CREBRF: variants seen among roughly 807,000 people sequenced by gnomAD.
CREBRF encodes CREB3 regulatory factor.
Under a neutral mutation model 66.1 loss-of-function variants are expected in CREBRF, and 5 were observed. That is an observed-to-expected ratio of 0.08 (90% CI 0.04 to 0.16). The LOEUF is 0.16. CREBRF is among the 10% of genes least tolerant of loss of function. The pLI, the probability that CREBRF is intolerant of heterozygous loss-of-function variation, is 1.00. For missense variants in CREBRF, 531 were observed against 744.9 expected, an observed-to-expected ratio of 0.71 and a Z score of 3.34; for synonymous variants, 229 against 264.4, an observed-to-expected ratio of 0.87 and a Z score of 1.30.
chr5:173,103,835 C>T (rs141254135), intron 4 of CREBRF, among the ~76,000 whole-genome samples: 2 of 152,286 alleles, frequency 1.3e-5, no homozygotes, highest in African/African-American at 4.8e-5. Context: ...AGCTTATTGA[C>T]AGTAGTCTGT....
At chr5:173,106,132 T>A (rs1365858722) in intron 4 of CREBRF, among the ~76,000 whole-genome samples, 1 of 152,004 alleles carries the variant, frequency 6.6e-6, no homozygotes, top group Non-Finnish European at 1.5e-5. Flanking sequence ...CATCATTTTT[T>A]AAGAAGAGCC....
At chr5:173,085,348 C>T in intron 2 of CREBRF, 1 of 1,232,002 alleles carries the variant, frequency 8.1e-7, no homozygotes, top group Non-Finnish European at 1.2e-6. Context: ...TAGCAGCACA[C>T]ACCTGCGGCT....
rs1157400354 is a variant in CREBRF at position 173,137,321 on chromosome 5, G to A, written c.*3576G>A. On this transcript the variant is annotated 3_prime_UTR_variant, in exon 9 of 9. Transcript: ENST00000296953. ...AAGCATCATGAAGGATTTCAGATGGGTATGGTTTCAAATTCCCTCTCTTTA... is the reference window on the plus strand; with the variant it reads ...AAGCATCATGAAGGATTTCAGATGGATATGGTTTCAAATTCCCTCTCTTTA... The A allele has an allele frequency of 6.6e-6, 1 of 152,014 alleles. No individual in the cohort carries two copies. Among genetic ancestry groups the A allele is most frequent in the Non-Finnish European group, 1.5e-5 (1 of 67,938 alleles). 9.4% of individuals were successfully genotyped at this position (152,014 alleles called of 1,614,324 possible). A position where few individuals can be genotyped will look rare whatever the true frequency, so the allele number is the denominator to read the frequency against.
intron 8 of CREBRF, among the ~76,000 whole-genome samples, chr5:173,130,759 G>T (rs1429129914): frequency 6.6e-6 from 1 of 151,894 alleles, no homozygotes; most frequent in African/African-American, 2.4e-5. Context: ...TCCCAGGCTG[G>T]AGTGCAGTGG....
At chr5:173,061,530 G>C (rs1452335123) in intron 1 of CREBRF, among the ~76,000 whole-genome samples, 2 of 152,162 alleles carry the variant, frequency 1.3e-5, no homozygotes, top group Non-Finnish European at 2.9e-5. Context: ...TTGGCCCTAA[G>C]ATATATTCAG....
At chr5:173,091,607 T>C in intron 4 of CREBRF, 9 of 1,297,460 alleles carry the variant, frequency 6.9e-6, no homozygotes, top group Non-Finnish European at 8.8e-6. Context: ...ATTCATAAGC[T>C]GATTCCTTGA....
Position 173,136,562 on chromosome 5 carries a change from A to G in CREBRF, c.*2817A>G, listed in dbSNP as rs1318063549. 1 of 152,524 alleles carries G rather than the reference A, an allele frequency of 6.6e-6. No homozygotes were observed. Among genetic ancestry groups the G allele is most frequent in the Non-Finnish European group, 1.5e-5 (1 of 67,948 alleles). The allele number at this position is 152,524 out of a possible 1,614,324, so 9.4% of individuals were successfully genotyped here. ...GTTTTAACTTTATCATAAAGATGACATAGGCAAGCTGTGCAGCTTTACATT... is the reference window on the plus strand; with the variant it reads ...GTTTTAACTTTATCATAAAGATGACGTAGGCAAGCTGTGCAGCTTTACATT... On this transcript the variant is annotated 3_prime_UTR_variant, in exon 9 of 9. Coordinates refer to ENST00000296953, the MANE Select transcript of CREBRF (RefSeq NM_153607.3).
At chr5:173,114,697 C>A (rs552559904) in intron 7 of CREBRF, among the ~76,000 whole-genome samples, 1 of 152,312 alleles carries the variant, frequency 6.6e-6, no homozygotes, top group South Asian at 2.1e-4. Context: ...TCATCCTATC[C>A]CACCAAACTT....
Position 173,091,149 on chromosome 5 carries a change from T to A in CREBRF, c.970T>A (p.Ser324Thr). 1 of 1,614,204 alleles carries A rather than the reference T, an allele frequency of 6.2e-7. No individual in the cohort carries two copies. Among genetic ancestry groups the A allele is most frequent in the Non-Finnish European group, 8.5e-7 (1 of 1,180,034 alleles). ...GAGCAGCAGTCTTTCTGCCAGTACA[T>A]CAGTCTCAGATTCATCCCAGAAAAA... ...GESSSLSAST[S>T]VSDSSQKKEE... The change falls in exon 4 of 9, where the codon TCA becomes ACA. Residue 324 changes from serine to threonine, a missense_variant. Physicochemically the swap from Ser to Thr is moderately conservative, Grantham distance 58 (BLOSUM62 1). This residue lies in a region of CREBRF where 309 missense variants were observed against 341.4 expected (regional missense o/e 0.90). Coordinates refer to ENST00000296953, the MANE Select transcript of CREBRF (RefSeq NM_153607.3).
chr5:173,098,696 G>T (rs2113753165), intron 4 of CREBRF, among the ~76,000 whole-genome samples: 1 of 151,956 alleles, frequency 6.6e-6, no homozygotes. Flanking sequence ...ATGGAGTGTT[G>T]AAGTCCCCTA....
chr5:173,108,786 G>A lies in CREBRF; in HGVS notation c.1385G>A (p.Ser462Asn), dbSNP rs1758807095. The part of the protein sequence containing the change: ...PSEWNRDTLP[S>N]NMYQKNGLHH... ...GAGTGGAACCGAGATACTTTGCCAA[G>A]TAATATGTATCAGAAAAATGGCTTA... Residue 462 changes from serine (S) to asparagine (N), a missense_variant, in exon 5 of 9, where the codon AGT (serine) becomes AAT (asparagine). Around this residue, in one of 5 missense-constraint regions of CREBRF, gnomAD observed 309 missense variants for 341.4 expected, o/e 0.90. Transcript: ENST00000296953. The A allele has an allele frequency of 6.2e-7, 1 of 1,612,808 alleles. No homozygotes were observed.
chr5:173,091,563 T>C (rs983183188), intron 4 of CREBRF, 162 bp downstream of exon 4: 1 of 1,431,762 alleles, frequency 7.0e-7, no homozygotes, highest in African/African-American at 1.4e-5. Flanking sequence ...TCTATTCAAA[T>C]AGCTCTAAAA....
At position 173,136,882 on chromosome 5, in the gene CREBRF, G is replaced by A. The variant is rs1387333950; in HGVS notation, c.*3137G>A. The A allele has an allele frequency of 4.0e-5, 6 of 151,838 alleles. No individual in the cohort carries two copies. The highest frequency in any genetic ancestry group is 7.3e-5 in the African/African-American group (3 of 41,252). The allele number at this position is 151,838 out of a possible 1,614,324, so 9.4% of individuals were successfully genotyped here. A position where few individuals can be genotyped will look rare whatever the true frequency, so the allele number is the denominator to read the frequency against. On this transcript the variant is annotated 3_prime_UTR_variant, in exon 9 of 9. Transcript: ENST00000296953. ...GTCCAGAATCTTACTTTTAAGTGAA[G>A]GCATTGTGAATTCACCTCAAGTAAA... is the stretch of plus-strand genomic sequence containing the variant.
At position 173,128,738 on chromosome 5, in the gene CREBRF, C is replaced by T. The variant is rs556688011; in HGVS notation, c.1805-4892C>T. Among the ~76,000 whole-genome samples, 127 of 151,970 alleles carry T rather than the reference C, an allele frequency of 8.4e-4. 1 individual carries two copies. Among genetic ancestry groups the T allele is most frequent in the South Asian group, 8.3e-3 (40 of 4,808 alleles). On this transcript the variant is annotated intron_variant, in intron 8 of 8. Transcript: ENST00000296953. ...TATTTGTTTGGTATTCCTTTGTCTA[C>T]TCTTTTATTTTCAATCCTTCTGAAT...
chr5:173,083,418 A>G (rs950327967), intron 2 of CREBRF, among the ~76,000 whole-genome samples: 1 of 152,172 alleles, frequency 6.6e-6, no homozygotes, highest in Non-Finnish European at 1.5e-5. Context: ...GCTGGGTCCC[A>G]AGTCTTTTTT....
chr5:173,127,264 G>C (rs1457269618), intron 8 of CREBRF, among the ~76,000 whole-genome samples: 3 of 149,894 alleles, frequency 2.0e-5, no homozygotes, highest in African/African-American at 7.4e-5. Context: ...CTGGGTTCAA[G>C]TGGTTCTTAT....
chr5:173,073,583 G>C (rs36001173), intron 1 of CREBRF, among the ~76,000 whole-genome samples: 14,005 of 152,282 alleles, frequency 0.092, 778 homozygotes, highest in South Asian at 0.16. Context: ...CAAGGCTGCA[G>C]AAAGCCTCCA....
intron 7 of CREBRF, among the ~76,000 whole-genome samples, chr5:173,114,778 C>T (rs1334970831): frequency 6.6e-6 from 1 of 152,172 alleles, no homozygotes; most frequent in Non-Finnish European, 1.5e-5. Flanking sequence ...CTTGTTGACT[C>T]AGAATGAGAA....
chr5:173,138,358 T>C lies in CREBRF; in HGVS notation c.*4613T>C, dbSNP rs1188624438. 3.9e-5 allele frequency: 6 copies of C among 152,200 alleles called. No individual in the cohort carries two copies. Among genetic ancestry groups the C allele is most frequent in the Non-Finnish European group, 7.3e-5 (5 of 68,028 alleles). The allele number at this position is 152,200 out of a possible 1,614,324, so 9.4% of individuals were successfully genotyped here. A position where few individuals can be genotyped will look rare whatever the true frequency, so the allele number is the denominator to read the frequency against. On this transcript the variant is annotated 3_prime_UTR_variant, in exon 9 of 9. Coordinates refer to ENST00000296953, the MANE Select transcript of CREBRF (RefSeq NM_153607.3). Reference sequence around the variant, plus strand: ...TACTACTGAAAGTTATACACTTCCATAGGCAAATGGGATTATGTGTTGAAG... The same window carrying C: ...TACTACTGAAAGTTATACACTTCCACAGGCAAATGGGATTATGTGTTGAAG...
Sources: gnomAD v4.1 joint callset for allele counts (sites outside exome capture counted in the v4.1 genomes callset) on GRCh38, gnomAD v4.1.1 for gene constraint, gnomAD v4.1.1 regional missense constraint, MANE v1.5 for transcripts, NCBI Gene and HGNC (gene_info 2026-07-23, HGNC 2026-07-21) for gene names.